NALCN: variants seen among roughly 807,000 people sequenced by gnomAD.
NALCN encodes sodium leak channel, non-selective, also known as sodium leak channel NALCN.
Under a neutral mutation model 225.3 loss-of-function variants are expected in NALCN, and 111 were observed. The observed-to-expected ratio is 0.49, with a 90% CI of 0.42 to 0.58. The LOEUF (loss-of-function observed/expected upper bound fraction) is 0.58. NALCN is among the 20% of genes least tolerant of loss of function. NALCN has a pLI of 0.00. For synonymous variants in NALCN, 764 were observed against 769.0 expected (o/e 0.99, Z 0.11); for missense variants, 1,378 against 2,202.4 (o/e 0.63, Z 7.49).
At chr13:101,114,801 A>G (rs551596647) in intron 18 of NALCN, among the ~76,000 whole-genome samples, 9 of 152,300 alleles carry the variant, frequency 5.9e-5, no homozygotes, top group African/African-American at 1.9e-4. Context: ...TCACTGCCTT[A>G]AAAAGACTAA....
intron 13 of NALCN, among the ~76,000 whole-genome samples, chr13:101,199,550 C>CA (rs1228217909): frequency 6.8e-6 from 1 of 146,622 alleles, no homozygotes; most frequent in Non-Finnish European, 1.5e-5. Context: ...ATCGCAAGGA[C>CA]AAAAAACCAA....
At chr13:101,337,691 C>A (rs527323741) in intron 7 of NALCN, among the ~76,000 whole-genome samples, 3 of 152,312 alleles carry the variant, frequency 2.0e-5, no homozygotes, top group African/African-American at 7.2e-5. Context: ...GCCACTATGG[C>A]AGGTCACTCT....
At position 101,141,330 on chromosome 13, in the gene NALCN, G is replaced by A. The variant is rs149714536; in HGVS notation, c.2118+1750C>T. Among the ~76,000 whole-genome samples the A allele has an allele frequency of 3.1e-3, 469 of 152,032 alleles. 1 individual carries two copies. Among genetic ancestry groups the A allele is most frequent in the African/African-American group, 0.011 (456 of 41,442 alleles). On this transcript the variant is annotated intron_variant, in intron 17 of 43. Transcript: ENST00000251127. Reference sequence around the variant, plus strand: ...CACAGAAAATCTTACAAGTTTTCCTGAAGAAACAAGCAAACCAAGTCTACC... The same window carrying A: ...CACAGAAAATCTTACAAGTTTTCCTAAAGAAACAAGCAAACCAAGTCTACC...
intron 7 of NALCN, among the ~76,000 whole-genome samples, chr13:101,318,917 T>C (rs1460565398): frequency 6.6e-6 from 1 of 152,152 alleles, no homozygotes; most frequent in Non-Finnish European, 1.5e-5. Flanking sequence ...CAGAAATCCC[T>C]GCCTACTCTT....
At chr13:101,374,272 CTTTTTT>C (rs869167949) in intron 6 of NALCN, among the ~76,000 whole-genome samples, 1 of 119,928 alleles carries the variant, frequency 8.3e-6, no homozygotes. Context: ...AAATTTCTTT[CTTTTTT>C]TTTTTTTTTT....
chr13:101,328,128 G>A (rs983725634), intron 7 of NALCN, among the ~76,000 whole-genome samples: 4 of 152,196 alleles, frequency 2.6e-5, no homozygotes, highest in Non-Finnish European at 5.9e-5. Context: ...ATTGCTTTAA[G>A]TCTTTAGAAG....
chr13:101,144,069 A>C lies in NALCN; in HGVS notation c.1976+691T>G, dbSNP rs541852056. On this transcript the variant is annotated intron_variant, in intron 16 of 43. Transcript: ENST00000251127. ...TAGTCTCATACTTTTATAACCCCCCACAGAATTATTTTTAAAGCTAGTAAC... is the reference window on the plus strand; with the variant it reads ...TAGTCTCATACTTTTATAACCCCCCCCAGAATTATTTTTAAAGCTAGTAAC... 3.3e-5 allele frequency among the ~76,000 whole-genome samples: 5 copies of C among 152,270 alleles called. No individual in the cohort carries two copies. In the East Asian group the frequency reaches 5.8e-4, roughly 18 times the overall value.
chr13:101,352,904 C>G (rs1019937338), intron 6 of NALCN, among the ~76,000 whole-genome samples: 2 of 152,234 alleles, frequency 1.3e-5, no homozygotes, highest in Middle Eastern at 3.4e-3. Context: ...TTGTAAAAGA[C>G]ATTTGCAGAG....
intron 15 of NALCN, among the ~76,000 whole-genome samples, chr13:101,147,911 C>T (rs1169616683): frequency 2.6e-5 from 4 of 152,098 alleles, no homozygotes; most frequent in African/African-American, 9.7e-5. Flanking sequence ...CTTTCTTCCT[C>T]TTTTTCTCTT....
intron 17 of NALCN, among the ~76,000 whole-genome samples, chr13:101,141,045 G>A (rs139576465): frequency 1.1e-4 from 16 of 152,274 alleles, no homozygotes; most frequent in Admixed American, 7.8e-4. Flanking sequence ...AATTTTTCAC[G>A]AGAAATTTAG....
intron 7 of NALCN, among the ~76,000 whole-genome samples, chr13:101,311,524 G>A (rs1258675227): frequency 6.6e-6 from 1 of 151,066 alleles, no homozygotes; most frequent in East Asian, 1.9e-4. Flanking sequence ...ATTATTTTGA[G>A]ATACGTCCCA....
chr13:101,203,495 G>A (rs2040204419), intron 13 of NALCN, among the ~76,000 whole-genome samples: 1 of 152,164 alleles, frequency 6.6e-6, no homozygotes, highest in Non-Finnish European at 1.5e-5. Context: ...GGGATTACAG[G>A]TGTGAGCCAC....
At chr13:101,090,746 C>T (rs369914672) in intron 28 of NALCN, among the ~76,000 whole-genome samples, 2 of 152,222 alleles carry the variant, frequency 1.3e-5, no homozygotes, top group African/African-American at 4.8e-5. Context: ...GGGGGGTACA[C>T]GTGCAGGCTT....
At chr13:101,057,799 C>A in intron 43 of NALCN, 140 bp downstream of exon 43, 1 of 745,186 alleles carries the variant, frequency 1.3e-6, no homozygotes. Flanking sequence ...TTTGACAAGA[C>A]TACATTTTTC....
intron 11 of NALCN, among the ~76,000 whole-genome samples, chr13:101,246,676 T>C (rs1397231307): frequency 6.6e-6 from 1 of 152,200 alleles, no homozygotes; most frequent in South Asian, 2.1e-4. Flanking sequence ...ACCTATTTAC[T>C]TGAAGTTTCC....
At chr13:101,152,240 T>A (rs1402395985) in intron 15 of NALCN, among the ~76,000 whole-genome samples, 1 of 152,296 alleles carries the variant, frequency 6.6e-6, no homozygotes, top group South Asian at 2.1e-4. Context: ...CATTAGCTGA[T>A]TAACTGCATG....
At chr13:101,070,838 T>C (rs569599132) in intron 37 of NALCN, among the ~76,000 whole-genome samples, 16 of 152,330 alleles carry the variant, frequency 1.1e-4, no homozygotes, top group Non-Finnish European at 2.4e-4. Context: ...AAGACATACC[T>C]GAGACTGGGT....
At chr13:101,178,368 G>A (rs538618358) in intron 14 of NALCN, among the ~76,000 whole-genome samples, 26 of 152,248 alleles carry the variant, frequency 1.7e-4, no homozygotes, top group Admixed American at 2.6e-4. Context: ...AAGGGGGGTC[G>A]GAAGGGATCC....
chr13:101,093,279 G>A (rs1218247834), intron 28 of NALCN, among the ~76,000 whole-genome samples: 4 of 152,136 alleles, frequency 2.6e-5, no homozygotes, highest in African/African-American at 9.7e-5. Context: ...GCATATTTAT[G>A]TCCTAATTAT....
Sources: gnomAD v4.1 joint callset for allele counts (sites outside exome capture counted in the v4.1 genomes callset) on GRCh38, gnomAD v4.1.1 for gene constraint, MANE v1.5 for transcripts, NCBI Gene and HGNC (gene_info 2026-07-23, HGNC 2026-07-21) for gene names.